PLEKHS1: variants seen among roughly 807,000 people sequenced by gnomAD.
The protein encoded by PLEKHS1 is pleckstrin homology domain containing S1.
A neutral mutation model predicts 51.0 loss-of-function variants in PLEKHS1; 55 were observed. The observed-to-expected ratio is 1.08, with a 90% CI of 0.87 to 1.35. The LOEUF (loss-of-function observed/expected upper bound fraction) is 1.35, where lower values mean the gene tolerates loss of function less well. PLEKHS1 is among the 40% of genes most tolerant of loss of function. The pLI is 0.00. For missense variants in PLEKHS1, 398 were observed against 423.0 expected (o/e 0.94, Z 0.52); for synonymous variants, 153 against 144.8 (o/e 1.06, Z -0.41).
At chr10:113,783,290 A>G (rs901034184), downstream of PLEKHS1, 8 of 152,120 alleles carry the variant, frequency 5.3e-5, no homozygotes, top group Non-Finnish European at 8.8e-5. Context: ...ATATCATTGA[A>G]CACTGTAGAT....
chr10:113,774,289 G>C (rs1165943343), exon 9 of PLEKHS1: 1 of 1,592,084 alleles, frequency 6.3e-7, no homozygotes, highest in South Asian at 1.2e-5. Flanking sequence ...GTCCAGACCA[G>C]GTCTCTGGAA....
At chr10:113,755,228 G>A in intron 1 of PLEKHS1, 31 bp from the exon 2 acceptor site, 3 of 1,579,500 alleles carry the variant, frequency 1.9e-6, no homozygotes, top group Non-Finnish European at 1.7e-6. Context: ...AGTGTTGTTT[G>A]GGGACTAACA....
chr10:113,758,689 T>C (rs1256859848), intron 2 of PLEKHS1, among the ~76,000 whole-genome samples: 1 of 152,118 alleles, frequency 6.6e-6, no homozygotes, highest in Non-Finnish European at 1.5e-5. Flanking sequence ...CTAATTTCAA[T>C]ATTGTTGAGT....
chr10:113,775,494 C>T (rs1006961121), intron 10 of PLEKHS1, among the ~76,000 whole-genome samples: 1 of 152,160 alleles, frequency 6.6e-6, no homozygotes, highest in Non-Finnish European at 1.5e-5. Flanking sequence ...GGAATCATTT[C>T]CAGCAGAGAA....
Position 113,766,506 on chromosome 10 carries a change from AT to A in PLEKHS1, c.117+10del. 1 of 1,594,610 alleles carries A rather than the reference AT, an allele frequency of 6.3e-7. No individual in the cohort carries two copies. Among genetic ancestry groups the A allele is most frequent in the Non-Finnish European group, 8.6e-7 (1 of 1,163,568 alleles). ...TCAGCTGTTCTCCTCTGTGGTAAGT[AT>A]TTGCTGTGATTTAACAAGCCTCCCA... is the stretch of plus-strand genomic sequence containing the variant. On this transcript the variant is annotated splice_region_variant and intron_variant, in intron 3 of 11. Transcript: ENST00000361048.
chr10:113,764,140 G>A (rs910096263), intron 2 of PLEKHS1, among the ~76,000 whole-genome samples: 3 of 151,944 alleles, frequency 2.0e-5, no homozygotes, highest in African/African-American at 4.8e-5. Flanking sequence ...TCACTCTATC[G>A]CCCAGGCTGG....
chr10:113,769,705 G>A (rs1387295054), intron 6 of PLEKHS1, 79 bp from the exon 7 acceptor site: 7 of 870,002 alleles, frequency 8.0e-6, no homozygotes, highest in Non-Finnish European at 5.8e-6. Context: ...CAGGAGGCAA[G>A]GAGCCCGGTA....
chr10:113,762,278 G>A (rs1345049778), intron 2 of PLEKHS1, among the ~76,000 whole-genome samples: 1 of 147,618 alleles, frequency 6.8e-6, no homozygotes, highest in African/African-American at 2.5e-5. Flanking sequence ...TTCATTGGTT[G>A]TCTCTGTTGT....
chr10:113,773,961 A>G (rs1844533034), intron 8 of PLEKHS1, among the ~76,000 whole-genome samples: 2 of 152,202 alleles, frequency 1.3e-5, no homozygotes, highest in Admixed American at 1.3e-4. Context: ...CAGAAAGATA[A>G]ACAGCAATTT....
chr10:113,782,246 A>G (rs1160485580), exon 12 of PLEKHS1: 1 of 152,204 alleles, frequency 6.6e-6, no homozygotes, highest in Non-Finnish European at 1.5e-5. Flanking sequence ...TCCAAGTTTC[A>G]TAACCGTTCA....
rs1314568041 is a variant in PLEKHS1, at chr10:113,775,874, G to A, written c.1091+8G>A. The A allele has an allele frequency of 6.3e-7, 1 of 1,586,462 alleles. No homozygotes were observed. The highest frequency in any genetic ancestry group is 1.7e-5 in the Admixed American group (1 of 58,340). The stretch of plus-strand genomic sequence containing the variant: ...AGCCACAGGACGGATATGGTAGGTT[G>A]GAGATTTGACTGTTGTGGATTATAA... On this transcript the variant is annotated splice_region_variant and intron_variant, in intron 11 of 11. Coordinates refer to ENST00000361048, the Ensembl canonical transcript of PLEKHS1.
intron 2 of PLEKHS1, among the ~76,000 whole-genome samples, chr10:113,762,358 T>G (rs1843968910): frequency 7.0e-6 from 1 of 142,312 alleles, no homozygotes; most frequent in African/African-American, 2.5e-5. Flanking sequence ...TGACTTTAGA[T>G]TTGTTCCTTT....
At chr10:113,760,795 C>T (rs1479733279) in intron 2 of PLEKHS1, among the ~76,000 whole-genome samples, 2 of 152,070 alleles carry the variant, frequency 1.3e-5, no homozygotes, top group African/African-American at 4.8e-5. Flanking sequence ...TCCTTTGATG[C>T]ACAAAAGTTT....
chr10:113,764,099 C>CTTGT (rs1162034816), intron 2 of PLEKHS1, among the ~76,000 whole-genome samples: 4 of 151,818 alleles, frequency 2.6e-5, no homozygotes, highest in Non-Finnish European at 4.4e-5. Flanking sequence ...ATATAGTTTG[C>CTTGT]TTGTTTGTTT....
At chr10:113,770,725 G>A (rs1373664627) in intron 7 of PLEKHS1, among the ~76,000 whole-genome samples, 3 of 152,158 alleles carry the variant, frequency 2.0e-5, no homozygotes, top group African/African-American at 7.2e-5. Flanking sequence ...GTGGTATGCA[G>A]CAGTTAGGAA....
intron 2 of PLEKHS1, among the ~76,000 whole-genome samples, chr10:113,759,464 T>G (rs750995279): frequency 4.9e-4 from 74 of 152,198 alleles, no homozygotes; most frequent in Non-Finnish European, 7.1e-4. Flanking sequence ...CAGTCCCCAT[T>G]GTTCTGTTTT....
At chr10:113,762,363 TC>T (rs1265197060) in intron 2 of PLEKHS1, among the ~76,000 whole-genome samples, 53 of 130,908 alleles carry the variant, frequency 4.0e-4, no homozygotes, top group African/African-American at 1.3e-3. Context: ...TTAGATTTGT[TC>T]CTTTTTTTTT....
intron 1 of PLEKHS1, among the ~76,000 whole-genome samples, chr10:113,752,954 C>T (rs1051217288): frequency 3.9e-5 from 6 of 152,198 alleles, no homozygotes; most frequent in African/African-American, 1.4e-4. Flanking sequence ...CTCTCAAATG[C>T]AGCTTTTCAT....
At chr10:113,766,820 C>A (rs1374979172) in intron 4 of PLEKHS1, 102 bp downstream of exon 4, 18 of 860,240 alleles carry the variant, frequency 2.1e-5, no homozygotes, top group Non-Finnish European at 2.7e-5. Flanking sequence ...ACCAAAGGAA[C>A]CTGCTTCAAG....
Sources: gnomAD v4.1 joint callset for allele counts (sites outside exome capture counted in the v4.1 genomes callset) on GRCh38, gnomAD v4.1.1 for gene constraint, MANE v1.5 for transcripts, NCBI Gene and HGNC (gene_info 2026-07-23, HGNC 2026-07-21) for gene names.